Variants in RPS6KA2 observed in about 807,000 individuals in gnomAD.
RPS6KA2 encodes ribosomal protein S6 kinase alpha-2.
A neutral mutation model predicts 91.8 loss-of-function variants in RPS6KA2; 42 were observed. The observed-to-expected ratio is 0.46, with a 90% CI of 0.36 to 0.59. The LOEUF is 0.59. Ranked by LOEUF, RPS6KA2 falls within the 20% of genes least tolerant of loss-of-function variation. The probability of loss-of-function intolerance (pLI) is 0.00; values close to 1 mark genes in which losing one functional copy is unlikely to be tolerated. For synonymous variants in RPS6KA2, 414 were observed against 393.6 expected (o/e 1.05, Z -0.61); for missense variants, 798 against 978.5 (o/e 0.82, Z 2.46).
At chr6:166,566,631 G>A (rs1362128471) in intron 1 of RPS6KA2, among the ~76,000 whole-genome samples, 2 of 152,166 alleles carry the variant, frequency 1.3e-5, no homozygotes, top group African/African-American at 2.4e-5. Flanking sequence ...TCTTGCACAG[G>A]CCCATGGGTC....
intron 2 of RPS6KA2, among the ~76,000 whole-genome samples, chr6:166,658,185 G>T (rs1788055487): frequency 6.6e-6 from 1 of 152,176 alleles, no homozygotes; most frequent in Non-Finnish European, 1.5e-5. Flanking sequence ...GCCAGCCCAG[G>T]ATTTTTTACT....
chr6:166,598,592 T>C (rs964994422), intron 1 of RPS6KA2, among the ~76,000 whole-genome samples: 1 of 152,236 alleles, frequency 6.6e-6, no homozygotes, highest in Non-Finnish European at 1.5e-5. Context: ...CTGCCCATCA[T>C]GCACTGAGTC....
chr6:166,804,015 A>G (rs1415972385), intron 2 of RPS6KA2, among the ~76,000 whole-genome samples: 1 of 152,192 alleles, frequency 6.6e-6, no homozygotes, highest in Non-Finnish European at 1.5e-5. Context: ...AACATTCTTC[A>G]CCTGAAATTT....
In RPS6KA2 at chr6:166,744,389, C is replaced by T. The variant is rs571109930; in HGVS notation, c.123+113811G>A. On this transcript the variant is annotated intron_variant, in intron 2 of 21. Coordinates refer to the RPS6KA2 transcript ENST00000503859. The stretch of plus-strand genomic sequence containing the variant: ...CAGACCTGAGACGCGGCCCCGGGCC[C>T]GGGGAGTCGGAGGGGAATGGGAGCG... 7.2e-5 allele frequency among the ~76,000 whole-genome samples: 11 copies of T among 152,210 alleles called. No individual in the cohort carries two copies. In the South Asian group the frequency reaches 8.3e-4, roughly 11 times the overall value.
At position 166,678,435 on chromosome 6, in the gene RPS6KA2, A is replaced by G. The variant is rs149700177; in HGVS notation, c.124-139651T>C. On this transcript the variant is annotated intron_variant, in intron 2 of 21. Transcript: ENST00000503859. The stretch of plus-strand genomic sequence containing the variant: ...TGCCTTCTACAACAGCTTAGCTCAA[A>G]ACCTTCTTTTCGCTAAATAAAGTTG... 4.1e-4 allele frequency among the ~76,000 whole-genome samples: 62 copies of G among 152,332 alleles called. No homozygotes were observed. In the East Asian group the frequency reaches 7.3e-3, roughly 18 times the overall value.
Position 166,538,655 on chromosome 6 carries a change from G to C in RPS6KA2, c.216+13C>G, listed in dbSNP as rs760180366. 7.0e-7 allele frequency: 1 copy of C among 1,429,042 alleles called. No homozygotes were observed. The highest frequency in any genetic ancestry group is 1.7e-5 in the Admixed American group (1 of 59,656). 88.5% of individuals were successfully genotyped at this position (1,429,042 alleles called of 1,614,324 possible). A position where few individuals can be genotyped will look rare whatever the true frequency, so the allele number is the denominator to read the frequency against. On this transcript the variant is annotated intron_variant, in intron 2 of 20. Coordinates refer to ENST00000265678, the MANE Select transcript of RPS6KA2 (RefSeq NM_021135.6). ...AGGAATGAGACTCAAGAGACAGCCA[G>C]GGCTGAACTTACCTTTCCATAGGAT...
intron 1 of RPS6KA2, among the ~76,000 whole-genome samples, chr6:166,539,719 C>A (rs1783594817): frequency 6.6e-6 from 1 of 152,198 alleles, no homozygotes; most frequent in Non-Finnish European, 1.5e-5. Flanking sequence ...TCCCCAGAGT[C>A]ACATGACTTC....
rs149707507 is a variant in RPS6KA2, at chr6:166,666,847, A to G, written c.124-128063T>C. Among the ~76,000 whole-genome samples, 1 of 152,240 alleles carries G rather than the reference A, an allele frequency of 6.6e-6. No homozygotes were observed. Among genetic ancestry groups the G allele is most frequent in the Non-Finnish European group, 1.5e-5 (1 of 68,048 alleles). On this transcript the variant is annotated intron_variant, in intron 2 of 21. Coordinates refer to the RPS6KA2 transcript ENST00000503859. This position sits in a 1 kb window ranked among gnomAD's most constrained non-coding sequence, Gnocchi z 4.0. The stretch of plus-strand genomic sequence containing the variant: ...CATTCATAGCAGCATCATTCACAGT[A>G]GCCAAAAGATGGAAGCAACCTCAGT...
At chr6:166,517,498 T>C (rs953188354) in intron 3 of RPS6KA2, among the ~76,000 whole-genome samples, 3 of 134,426 alleles carry the variant, frequency 2.2e-5, no homozygotes, top group Non-Finnish European at 4.6e-5. Flanking sequence ...AGACGGAGTC[T>C]CGCTCTGTCG....
intron 19 of RPS6KA2, among the ~76,000 whole-genome samples, chr6:166,414,399 A>G (rs73267291): frequency 0.024 from 3,636 of 152,334 alleles, 133 homozygotes; most frequent in African/African-American, 0.083. Flanking sequence ...GAGCCATCAG[A>G]TATGTCCAGT....
rs1778691422 is a variant in RPS6KA2, at chr6:166,778,792, C to T, written c.123+79408G>A. 2.0e-5 allele frequency among the ~76,000 whole-genome samples: 3 copies of T among 152,178 alleles called. No homozygotes were observed. In the South Asian group the frequency reaches 6.2e-4, roughly 32 times the overall value. Reference sequence around the variant, plus strand: ...AAAAACAACAAGATTAACCCATTAACTCATGTGTTAATAAGATGCGTCCAC... The same window carrying T: ...AAAAACAACAAGATTAACCCATTAATTCATGTGTTAATAAGATGCGTCCAC... On this transcript the variant is annotated intron_variant, in intron 2 of 21. Coordinates refer to the RPS6KA2 transcript ENST00000503859.
In RPS6KA2 at chr6:166,717,859, T is replaced by C. The variant is rs536104270; in HGVS notation, c.123+140341A>G. 2.0e-5 allele frequency among the ~76,000 whole-genome samples: 3 copies of C among 152,076 alleles called. No homozygotes were observed. The South Asian group carries it at 6.2e-4, about 32-fold the overall frequency. ...TCTTTTTTCTTCTTTTCTTTCTTTT[T>C]TTTTTTTAGACGGAGTTTTTGCTCT... On this transcript the variant is annotated intron_variant, in intron 2 of 21. Transcript: ENST00000503859.
rs1203788585 is a variant in RPS6KA2, at chr6:166,849,641, T to C, written c.123+8559A>G. On this transcript the variant is annotated intron_variant, in intron 2 of 21. Coordinates refer to the RPS6KA2 transcript ENST00000503859. The surrounding 1 kb of genome is among the most constrained non-coding windows in gnomAD (Gnocchi z 4.9). ...ACATTGCAATGTTTACCCTATTAACTTGGAGATAGGCATTTATTGGGCTAA... is the reference window on the plus strand; with the variant it reads ...ACATTGCAATGTTTACCCTATTAACCTGGAGATAGGCATTTATTGGGCTAA... 6.6e-6 allele frequency among the ~76,000 whole-genome samples: 1 copy of C among 152,188 alleles called. No individual in the cohort carries two copies.
Position 166,412,690 on chromosome 6 carries a change from C to A in RPS6KA2, c.*72G>T, listed in dbSNP as rs961186400. 23 of 1,446,536 alleles carry A rather than the reference C, an allele frequency of 1.6e-5. No individual in the cohort carries two copies. The East Asian group carries it at 5.6e-4, about 35-fold the overall frequency. 89.6% of individuals were successfully genotyped at this position (1,446,536 alleles called of 1,614,324 possible). On this transcript the variant is annotated 3_prime_UTR_variant, in exon 21 of 21. Coordinates refer to ENST00000265678, the MANE Select transcript of RPS6KA2 (RefSeq NM_021135.6). This position sits in a 1 kb window ranked among gnomAD's most constrained non-coding sequence, Gnocchi z 4.3. ...ACTTGTGGTCACTCTGGGTGCCAGA[C>A]GGGCTCCGAGGCCGGGGTCTGTGAG...
intron 3 of RPS6KA2, among the ~76,000 whole-genome samples, chr6:166,521,317 G>A (rs1782847069): frequency 6.6e-6 from 1 of 152,234 alleles, no homozygotes; most frequent in Admixed American, 6.5e-5. Flanking sequence ...GGGACTTGGA[G>A]AGCCAACCCC....
At chr6:166,634,163 C>G (rs558491099) in intron 2 of RPS6KA2, among the ~76,000 whole-genome samples, 1 of 152,346 alleles carries the variant, frequency 6.6e-6, no homozygotes, top group Admixed American at 6.5e-5. Flanking sequence ...GTTCTCCTGG[C>G]AGCAGGGTGC....
intron 2 of RPS6KA2, among the ~76,000 whole-genome samples, chr6:166,831,173 C>T (rs1780173778): frequency 6.6e-6 from 1 of 152,116 alleles, no homozygotes; most frequent in Admixed American, 6.5e-5. Flanking sequence ...GCAGCTGCTC[C>T]CTGCCCCCAC....
chr6:166,783,771 C>G (rs1232727687), intron 2 of RPS6KA2, among the ~76,000 whole-genome samples: 1 of 147,076 alleles, frequency 6.8e-6, no homozygotes, highest in African/African-American at 2.6e-5. Context: ...TACACATGTG[C>G]ACATCTATCT....
intron 1 of RPS6KA2, among the ~76,000 whole-genome samples, chr6:166,566,243 A>G (rs1784498574): frequency 6.6e-6 from 1 of 152,188 alleles, no homozygotes; most frequent in Non-Finnish European, 1.5e-5. Flanking sequence ...ATTGTACCAC[A>G]TGGGGAAGAG....
Sources: gnomAD v4.1 joint callset for allele counts (sites outside exome capture counted in the v4.1 genomes callset) on GRCh38, gnomAD v4.1.1 for gene constraint, Gnocchi (gnomAD v3.1) non-coding constraint, MANE v1.5 for transcripts, NCBI Gene and HGNC (gene_info 2026-07-23, HGNC 2026-07-21) for gene names.